The following PLEKHA3 variants were observed in gnomAD, a reference collection of about 807,000 sequenced individuals.
PLEKHA3 encodes the protein pleckstrin homology domain-containing family A member 3.
Under a neutral mutation model 39.2 loss-of-function variants are expected in PLEKHA3, and 19 were observed. The observed-to-expected ratio is 0.48, with a 90% CI of 0.34 to 0.71. PLEKHA3 has a LOEUF of 0.71. PLEKHA3 is among the 30% of genes least tolerant of loss of function. PLEKHA3 has a pLI of 0.01. For missense variants in PLEKHA3, 253 were observed against 359.5 expected, an observed-to-expected ratio of 0.70 and a Z score of 2.40; for synonymous variants, 97 against 118.6, an observed-to-expected ratio of 0.82 and a Z score of 1.18.
In PLEKHA3 at chr2:178,484,400, C is replaced by G. The variant is rs539850982; in HGVS notation, c.41-1241C>G. 3.3e-5 allele frequency among the ~76,000 whole-genome samples: 5 copies of G among 152,296 alleles called. No individual in the cohort carries two copies. In the East Asian group the frequency reaches 9.6e-4, roughly 29 times the overall value. Reference sequence around the variant, plus strand: ...TGAACTGTATTACTGCATTCCCTGCCTTCCTAAACAGGGTTACAAAGTAAA... The same window carrying G: ...TGAACTGTATTACTGCATTCCCTGCGTTCCTAAACAGGGTTACAAAGTAAA... On this transcript the variant is annotated intron_variant, in intron 1 of 7. Coordinates refer to ENST00000234453, the MANE Select transcript of PLEKHA3 (RefSeq NM_019091.4).
At chr2:178,497,477 G>T (rs544045156) in intron 5 of PLEKHA3, among the ~76,000 whole-genome samples, 2 of 152,178 alleles carry the variant, frequency 1.3e-5, no homozygotes, top group South Asian at 4.2e-4. Flanking sequence ...TGATCTGCCC[G>T]CCTTAGTCTT....
intron 1 of PLEKHA3, among the ~76,000 whole-genome samples, chr2:178,485,236 C>G (rs142035226): frequency 6.6e-6 from 1 of 152,298 alleles, no homozygotes; most frequent in East Asian, 1.9e-4. Context: ...AAGAATGATA[C>G]TATAGGTAAG....
At chr2:178,489,617 A>G (rs1231235164) in intron 2 of PLEKHA3, among the ~76,000 whole-genome samples, 1 of 151,688 alleles carries the variant, frequency 6.6e-6, no homozygotes, top group Non-Finnish European at 1.5e-5. Context: ...CTGGGAGTAC[A>G]TGCTTGCACC....
chr2:178,489,912 C>T (rs1282826515), intron 2 of PLEKHA3, among the ~76,000 whole-genome samples: 1 of 152,146 alleles, frequency 6.6e-6, no homozygotes, highest in Non-Finnish European at 1.5e-5. Context: ...GTTAAATTGT[C>T]AACTGTATAG....
intron 2 of PLEKHA3, chr2:178,489,025 A>C (rs779078798): frequency 2.3e-6 from 1 of 441,804 alleles, no homozygotes; most frequent in South Asian, 1.7e-5. Flanking sequence ...GTATGTTTAA[A>C]AATGAGTCAT....
intron 5 of PLEKHA3, among the ~76,000 whole-genome samples, chr2:178,496,473 A>G (rs1685447497): frequency 6.6e-6 from 1 of 152,114 alleles, no homozygotes; most frequent in African/African-American, 2.4e-5. Flanking sequence ...AATAGGGTCT[A>G]ACTTCTTCCT....
intron 3 of PLEKHA3, among the ~76,000 whole-genome samples, chr2:178,491,773 A>G (rs991805365): frequency 6.6e-6 from 1 of 152,084 alleles, no homozygotes; most frequent in Non-Finnish European, 1.5e-5. Flanking sequence ...TCATGGCCCT[A>G]GAGGCTGGAA....
chr2:178,492,803 G>A (rs1219103483), intron 3 of PLEKHA3, among the ~76,000 whole-genome samples: 1 of 152,166 alleles, frequency 6.6e-6, no homozygotes, highest in East Asian at 1.9e-4. Flanking sequence ...AGCTGGGGAA[G>A]ATGAAGACGT....
intron 4 of PLEKHA3, among the ~76,000 whole-genome samples, chr2:178,495,139 TC>T (rs1177504962): frequency 2.0e-5 from 3 of 152,126 alleles, no homozygotes; most frequent in Admixed American, 1.3e-4. Context: ...CTAAGGGTAT[TC>T]CATGTCTGTG....
In PLEKHA3 at chr2:178,507,423, T is replaced by C. The variant is rs930242041; in HGVS notation, c.*3536T>C. On this transcript the variant is annotated 3_prime_UTR_variant, in exon 8 of 8. Coordinates refer to ENST00000234453, the MANE Select transcript of PLEKHA3 (RefSeq NM_019091.4). Reference sequence around the variant, plus strand: ...GGGTTGGTATTGCCTGATTTTCAAATTTGCTTAGTTTTTAATGTACCTGTC... The same window carrying C: ...GGGTTGGTATTGCCTGATTTTCAAACTTGCTTAGTTTTTAATGTACCTGTC... 4 of 152,276 alleles carry C rather than the reference T, an allele frequency of 2.6e-5. No homozygotes were observed. The highest frequency in any genetic ancestry group is 5.9e-5 in the Non-Finnish European group (4 of 68,014). 9.4% of individuals were successfully genotyped at this position (152,276 alleles called of 1,614,324 possible). A position where few individuals can be genotyped will look rare whatever the true frequency, so the allele number is the denominator to read the frequency against.
chr2:178,492,746 CA>C (rs1412258193), intron 3 of PLEKHA3, among the ~76,000 whole-genome samples: 2 of 151,844 alleles, frequency 1.3e-5, no homozygotes, highest in Non-Finnish European at 2.9e-5. Flanking sequence ...TTCCAGGGCC[CA>C]GGGGGAGGTG....
In PLEKHA3 at chr2:178,500,000, G is replaced by A. The variant is rs1400501479; in HGVS notation, c.659+746G>A. Reference sequence around the variant, plus strand: ...TGTTTCATTAAGAGAGAAAGATCTTGCTGAAGAGAGAAAACCACTTGATAT... The same window carrying A: ...TGTTTCATTAAGAGAGAAAGATCTTACTGAAGAGAGAAAACCACTTGATAT... On this transcript the variant is annotated intron_variant, in intron 6 of 7. Coordinates refer to ENST00000234453, the MANE Select transcript of PLEKHA3 (RefSeq NM_019091.4). Among the ~76,000 whole-genome samples, 3 of 152,112 alleles carry A rather than the reference G, an allele frequency of 2.0e-5. No individual in the cohort carries two copies. In the East Asian group the frequency reaches 5.8e-4, roughly 29 times the overall value.
Position 178,514,427 on chromosome 2 carries a change from C to T in PLEKHA3, c.*10540C>T, listed in dbSNP as rs1013781640. On this transcript the variant is annotated 3_prime_UTR_variant, in exon 8 of 8. Transcript: ENST00000234453. ...TTGCTAGATTATATATATCTTTACT[C>T]ACAATAAGCAAAGTTGAACAACTTA... 1 of 152,000 alleles carries T rather than the reference C, an allele frequency of 6.6e-6. No individual in the cohort carries two copies. The highest frequency in any genetic ancestry group is 1.5e-5 in the Non-Finnish European group (1 of 68,010). 9.4% of individuals were successfully genotyped at this position (152,000 alleles called of 1,614,324 possible).
chr2:178,503,922 C>G lies in PLEKHA3; in HGVS notation c.*35C>G, dbSNP rs1685569073. 1 of 1,606,740 alleles carries G rather than the reference C, an allele frequency of 6.2e-7. No homozygotes were observed. ...AGTGTCCAACTTCCTCTAAGTATTG[C>G]TATGCAAAAGCTGCTGTAATTAAAC... is the stretch of plus-strand genomic sequence containing the variant. On this transcript the variant is annotated 3_prime_UTR_variant, in exon 8 of 8. Coordinates refer to ENST00000234453, the MANE Select transcript of PLEKHA3 (RefSeq NM_019091.4).
chr2:178,493,656 CAT>C (rs1403153058), intron 3 of PLEKHA3, among the ~76,000 whole-genome samples, 195 bp from the exon 4 acceptor site: 80 of 152,324 alleles, frequency 5.3e-4, no homozygotes, highest in African/African-American at 1.8e-3. Context: ...ACATGGCAGG[CAT>C]ATAACTGTCA....
chr2:178,500,814 G>A (rs529827153), intron 6 of PLEKHA3, among the ~76,000 whole-genome samples: 1 of 152,044 alleles, frequency 6.6e-6, no homozygotes, highest in Non-Finnish European at 1.5e-5. Context: ...CCCTACAGAA[G>A]TCACTACTTC....
Position 178,480,827 on chromosome 2 carries a change from C to T in PLEKHA3, c.-43C>T, listed in dbSNP as rs1431808045. The T allele has an allele frequency of 7.6e-7, 1 of 1,314,558 alleles. No homozygotes were observed. The highest frequency in any genetic ancestry group is 9.8e-7 in the Non-Finnish European group (1 of 1,022,684). 81.4% of individuals were successfully genotyped at this position (1,314,558 alleles called of 1,614,324 possible). On this transcript the variant is annotated 5_prime_UTR_variant, in exon 1 of 8. Coordinates refer to ENST00000234453, the MANE Select transcript of PLEKHA3 (RefSeq NM_019091.4). Reference sequence around the variant, plus strand: ...CCCTGCGCCTACCCCATCACCGCGGCCGGCGCCGGGCCGGGAGGATGCGCG... The same window carrying T: ...CCCTGCGCCTACCCCATCACCGCGGTCGGCGCCGGGCCGGGAGGATGCGCG...
chr2:178,495,744 G>A, intron 5 of PLEKHA3, 84 bp downstream of exon 5: 2 of 1,434,362 alleles, frequency 1.4e-6, no homozygotes, highest in Non-Finnish European at 1.9e-6. Context: ...ATTTTTAAGG[G>A]TGGAAGCAGG....
chr2:178,507,658 G>GGT lies in PLEKHA3; in HGVS notation c.*3771_*3772insGT, dbSNP rs1553472354. 1 of 28,804 alleles carries GGT rather than the reference G, an allele frequency of 3.5e-5. No individual in the cohort carries two copies. The highest frequency in any genetic ancestry group is 8.5e-5 in the Non-Finnish European group (1 of 11,750). 1.8% of individuals were successfully genotyped at this position (28,804 alleles called of 1,614,324 possible). A position where few individuals can be genotyped will look rare whatever the true frequency, so the allele number is the denominator to read the frequency against. ...CCTTTAGTTTTTAGTCTCACATTAGGTTTTTTTTTTTTTTTTTTTTTTTTT... is the reference window on the plus strand; with the variant it reads ...CCTTTAGTTTTTAGTCTCACATTAGGGTTTTTTTTTTTTTTTTTTTTTTTTTT... On this transcript the variant is annotated 3_prime_UTR_variant, in exon 8 of 8. Coordinates refer to ENST00000234453, the MANE Select transcript of PLEKHA3 (RefSeq NM_019091.4).
Sources: gnomAD v4.1 joint callset for allele counts (sites outside exome capture counted in the v4.1 genomes callset) on GRCh38, gnomAD v4.1.1 for gene constraint, MANE v1.5 for transcripts, NCBI Gene and HGNC (gene_info 2026-07-23, HGNC 2026-07-21) for gene names.